The following USP47 variants were observed in gnomAD, a reference collection of about 807,000 sequenced individuals.
USP47 encodes ubiquitin specific peptidase 47.
Under a neutral mutation model 165.1 loss-of-function variants are expected in USP47, and 35 were observed. That is an observed-to-expected ratio of 0.21 (90% CI 0.16 to 0.28). USP47 has a LOEUF of 0.28. USP47 is among the 10% of genes least tolerant of loss of function. The pLI is 1.00. For missense variants in USP47, 1,277 were observed against 1,607.4 expected (o/e 0.79, Z 3.52); for synonymous variants, 531 against 544.5 (o/e 0.98, Z 0.35).
At chr11:11,899,324 TA>T (rs1852043832) in intron 5 of USP47, among the ~76,000 whole-genome samples, 1 of 152,240 alleles carries the variant, frequency 6.6e-6, no homozygotes, top group Non-Finnish European at 1.5e-5. Context: ...ACTGTAAATT[TA>T]CAGCACTGTA....
At chr11:11,861,008 C>G (rs940874249) in intron 1 of USP47, among the ~76,000 whole-genome samples, 1 of 152,146 alleles carries the variant, frequency 6.6e-6, no homozygotes, top group African/African-American at 2.4e-5. Context: ...GGGCAGGTCA[C>G]TTAAGGTTTC....
chr11:11,889,880 A>G (rs1247938265), intron 3 of USP47, among the ~76,000 whole-genome samples: 1 of 152,200 alleles, frequency 6.6e-6, no homozygotes, highest in Admixed American at 6.5e-5. Flanking sequence ...GGAACAGAAT[A>G]GAGAACTCAG....
At position 11,842,202 on chromosome 11, in the gene USP47, A is replaced by G. The variant is rs1335596054; in HGVS notation, c.17A>G (p.Glu6Gly). MVPGE[E>G]NQLVPKEIEN... ...GAGTCAGCGATGGTGCCCGGCGAGG[A>G]GAACCAACTGGTCCCGAAAGAGGTG... Residue 6 changes from glutamate to glycine, a missense_variant, in exon 1 of 28, where the codon GAG becomes GGG. This residue lies in a region of USP47 where 181 missense variants were observed against 194.7 expected (regional missense o/e 0.93). Transcript: ENST00000527733. 5.1e-6 allele frequency: 8 copies of G among 1,553,972 alleles called. No individual in the cohort carries two copies. The South Asian group carries it at 9.5e-5, about 18-fold the overall frequency.
chr11:11,930,118 A>T lies in USP47; in HGVS notation c.1593A>T (p.Ala531=). The change falls in exon 13 of 28, where the codon GCA becomes GCT. Residue 531 remains alanine, a splice_region_variant and synonymous_variant. Coordinates refer to ENST00000527733, the MANE Select transcript of USP47 (RefSeq NM_001282659.2). ...GAGGATATTATTCTAGTGCTTTCGC[A>T]AGGTAAGCAATTTCCTAATTTTCAG... ...GSRGYYSSAF[A]SSTNAYMLIY... 1 of 1,611,164 alleles carries T rather than the reference A, an allele frequency of 6.2e-7. No individual in the cohort carries two copies. Among genetic ancestry groups the T allele is most frequent in the Non-Finnish European group, 8.5e-7 (1 of 1,177,636 alleles).
chr11:11,939,099 G>C (rs1372809519), intron 18 of USP47, among the ~76,000 whole-genome samples: 5 of 151,948 alleles, frequency 3.3e-5, no homozygotes, highest in African/African-American at 1.2e-4. Flanking sequence ...GATTTTTTGA[G>C]CTGGAAAAAT....
chr11:11,877,004 G>T (rs568894495), intron 1 of USP47, among the ~76,000 whole-genome samples: 6 of 152,220 alleles, frequency 3.9e-5, no homozygotes, highest in African/African-American at 1.2e-4. Flanking sequence ...ATCAGTTTTG[G>T]TTAGGGCTAC....
chr11:11,897,694 G>T lies in USP47; in HGVS notation c.593+1G>T, dbSNP rs1851929721. ...CTGAATTTAGGAATGCATTATATAA[G>T]TGAGTATTCAAAAAAATTGTATACA... On this transcript the variant is annotated splice_donor_variant, in intron 5 of 27. Coordinates refer to ENST00000527733, the MANE Select transcript of USP47 (RefSeq NM_001282659.2). LOFTEE classifies it high-confidence loss of function. 1 of 1,576,850 alleles carries T rather than the reference G, an allele frequency of 6.3e-7. No individual in the cohort carries two copies. Among genetic ancestry groups the T allele is most frequent in the Non-Finnish European group, 8.6e-7 (1 of 1,160,208 alleles).
rs115788661 is a variant in USP47, at chr11:11,955,845, C to G, written c.3894-156C>G. Among the ~76,000 whole-genome samples, 688 of 152,276 alleles carry G rather than the reference C, an allele frequency of 4.5e-3. 4 individuals carry two copies. Among genetic ancestry groups the G allele is most frequent in the African/African-American group, 0.016 (649 of 41,538 alleles). On this transcript the variant is annotated intron_variant, in intron 27 of 27. Coordinates refer to ENST00000527733, the MANE Select transcript of USP47 (RefSeq NM_001282659.2). ...AAGCAATATGTTCCTGTGATTAACA[C>G]CTTAGAAATCTGGGACATCTCAGTA...
chr11:11,853,185 G>A (rs1350389518), intron 1 of USP47, among the ~76,000 whole-genome samples: 1 of 151,868 alleles, frequency 6.6e-6, no homozygotes. Flanking sequence ...AGAAAAGATT[G>A]TATCAAAAAC....
intron 1 of USP47, among the ~76,000 whole-genome samples, chr11:11,875,776 T>C (rs1187262443): frequency 6.6e-6 from 1 of 152,162 alleles, no homozygotes; most frequent in Non-Finnish European, 1.5e-5. Flanking sequence ...GCAAATTTTG[T>C]ATTATTTGTA....
chr11:11,951,420 T>C (rs1247544377), intron 24 of USP47: 8 of 152,146 alleles, frequency 5.3e-5, no homozygotes, highest in African/African-American at 1.9e-4. Context: ...GAGGTCCAAG[T>C]AGCAGACATA....
In USP47 at chr11:11,950,375, G is replaced by T; in HGVS notation, c.3476G>T (p.Arg1159Met). ...TATCACATTTGTAGGTTTCGTCTAA[G>T]GAAAAAAACATGGAAGAATCCTGGC... The part of the protein sequence containing the change: ...LELSIDRFRL[R>M]KKTWKNPGTV... Residue 1159 changes from arginine to methionine, a missense_variant, in exon 24 of 28, where the codon AGG becomes ATG. This residue lies in a region of USP47 where 909 missense variants were observed against 1,068.1 expected (regional missense o/e 0.85). Coordinates refer to ENST00000527733, the MANE Select transcript of USP47 (RefSeq NM_001282659.2). 1 of 1,591,298 alleles carries T rather than the reference G, an allele frequency of 6.3e-7. No individual in the cohort carries two copies. The highest frequency in any genetic ancestry group is 2.3e-5 in the East Asian group (1 of 43,922).
intron 2 of USP47, among the ~76,000 whole-genome samples, chr11:11,883,524 C>T (rs560290423): frequency 5.9e-5 from 9 of 152,216 alleles, no homozygotes; most frequent in South Asian, 2.1e-4. Flanking sequence ...TTTTATACAA[C>T]GTTAATCAGT....
chr11:11,939,710 C>G (rs1038313721), intron 18 of USP47, among the ~76,000 whole-genome samples: 17 of 151,792 alleles, frequency 1.1e-4, no homozygotes, highest in East Asian at 3.9e-4. Context: ...AGTTTCTTCC[C>G]CAAGAAGTTA....
At chr11:11,921,582 C>T (rs560453826) in intron 10 of USP47, among the ~76,000 whole-genome samples, 2 of 151,932 alleles carry the variant, frequency 1.3e-5, no homozygotes, top group East Asian at 3.9e-4. Context: ...CAGACAGTTG[C>T]GCTTAAGCTA....
chr11:11,913,224 G>A (rs1261543613), intron 8 of USP47, among the ~76,000 whole-genome samples: 1 of 133,992 alleles, frequency 7.5e-6, no homozygotes, highest in Non-Finnish European at 1.6e-5. Context: ...GTATTTTTAG[G>A]TGATATGATT....
At chr11:11,888,083 T>C (rs1430860629) in intron 3 of USP47, among the ~76,000 whole-genome samples, 3 of 152,122 alleles carry the variant, frequency 2.0e-5, no homozygotes, top group African/African-American at 4.8e-5. Flanking sequence ...AAGAAATTTA[T>C]AGCACCAAAT....
At chr11:11,946,832 T>A (rs1290640741) in intron 20 of USP47, among the ~76,000 whole-genome samples, 1 of 152,248 alleles carries the variant, frequency 6.6e-6, no homozygotes, top group African/African-American at 2.4e-5. Context: ...TACTTTCTTC[T>A]AATTTGTTCT....
At position 11,868,962 on chromosome 11, in the gene USP47, T is replaced by C. The variant is rs555494666; in HGVS notation, c.40-11215T>C. On this transcript the variant is annotated intron_variant, in intron 1 of 27. Coordinates refer to ENST00000527733, the MANE Select transcript of USP47 (RefSeq NM_001282659.2). Reference sequence around the variant, plus strand: ...CTTTTCATGATTTTTGTCTATGTGCTAATTGGATTGTTTGCTTTTTTTTGT... The same window carrying C: ...CTTTTCATGATTTTTGTCTATGTGCCAATTGGATTGTTTGCTTTTTTTTGT... Among the ~76,000 whole-genome samples the C allele has an allele frequency of 5.3e-5, 8 of 152,290 alleles. No homozygotes were observed. The South Asian group carries it at 1.7e-3, about 32-fold the overall frequency.
Sources: gnomAD v4.1 joint callset for allele counts (sites outside exome capture counted in the v4.1 genomes callset) on GRCh38, gnomAD v4.1.1 for gene constraint, gnomAD v4.1.1 regional missense constraint, MANE v1.5 for transcripts, NCBI Gene and HGNC (gene_info 2026-07-23, HGNC 2026-07-21) for gene names.